NUP98: variants seen among roughly 807,000 people sequenced by gnomAD.
The protein encoded by NUP98 is nuclear pore complex protein Nup98-Nup96.
A neutral mutation model predicts 191.9 loss-of-function variants in NUP98; 26 were observed. The observed-to-expected ratio is 0.14, with a 90% CI of 0.10 to 0.19. NUP98 has a LOEUF of 0.19. Ranked by LOEUF, NUP98 falls within the 10% of genes least tolerant of loss-of-function variation. The pLI is 1.00. For synonymous variants in NUP98, 808 were observed against 778.4 expected, an observed-to-expected ratio of 1.04 and a Z score of -0.63; for missense variants, 1,941 against 2,178.8, an observed-to-expected ratio of 0.89 and a Z score of 2.17.
At chr11:3,712,315 A>G (rs910511293) in intron 20 of NUP98, 2 of 1,290,128 alleles carry the variant, frequency 1.6e-6, no homozygotes, top group Non-Finnish European at 2.0e-6. Flanking sequence ...AGAGAGAACA[A>G]AGGGTTTAAA....
chr11:3,686,600 T>C (rs1046447635), intron 28 of NUP98, among the ~76,000 whole-genome samples: 6 of 152,182 alleles, frequency 3.9e-5, no homozygotes, highest in Non-Finnish European at 8.8e-5. Flanking sequence ...TTTCTTTCTC[T>C]GACATATTTA....
At chr11:3,759,330 C>T (rs894456397) in intron 10 of NUP98, among the ~76,000 whole-genome samples, 1 of 152,156 alleles carries the variant, frequency 6.6e-6, no homozygotes, top group African/African-American at 2.4e-5. Context: ...GGTGTGGTGG[C>T]TCATGCCTAT....
chr11:3,784,635 C>CT (rs2082083246), intron 1 of NUP98, among the ~76,000 whole-genome samples: 2 of 150,682 alleles, frequency 1.3e-5, no homozygotes, highest in Admixed American at 6.6e-5. Flanking sequence ...CTGTACGAAG[C>CT]TCCAGCTACT....
At chr11:3,786,908 T>G (rs10767587) in intron 1 of NUP98, among the ~76,000 whole-genome samples, 28,433 of 152,222 alleles carry the variant, frequency 0.19, 2,732 homozygotes, top group Non-Finnish European at 0.22. Flanking sequence ...GGGAAGTAGT[T>G]TTTTCCTTTC....
At chr11:3,771,984 T>G in intron 6 of NUP98, 56 bp from the exon 7 acceptor site, 1 of 1,460,892 alleles carries the variant, frequency 6.8e-7, no homozygotes, top group Non-Finnish European at 9.5e-7. Flanking sequence ...AATAATTATT[T>G]AGGAGGCTAA....
At position 3,699,235 on chromosome 11, in the gene NUP98, T is replaced by G. The variant is rs766031553; in HGVS notation, c.3856A>C (p.Arg1286=). ...GATAGCCAGCGGGAGAAAGCTCTTC[T>G]TCGCTCCAGAATTTGAATGTATTCA... ...PREYIQILER[R]RAFSRWLSCT... The change falls in exon 25 of 33, where the codon AGA becomes CGA. Residue 1286 remains arginine (R), a synonymous_variant. Coordinates refer to ENST00000324932, the MANE Select transcript of NUP98 (RefSeq NM_016320.5). 6.2e-7 allele frequency: 1 copy of G among 1,614,194 alleles called. No homozygotes were observed. The highest frequency in any genetic ancestry group is 1.1e-5 in the South Asian group (1 of 91,088).
At chr11:3,688,298 C>T (rs1056727955) in intron 28 of NUP98, among the ~76,000 whole-genome samples, 12 of 151,878 alleles carry the variant, frequency 7.9e-5, no homozygotes, top group African/African-American at 2.7e-4. Context: ...CCCAGCTACT[C>T]GGGAAGCTGA....
Position 3,712,647 on chromosome 11 carries a change from A to G in NUP98, c.2659T>C (p.Leu887=), listed in dbSNP as rs34135902. Residue 887 remains leucine, a synonymous_variant, in exon 20 of 33, where the codon TTG becomes CTG. Transcript: ENST00000324932. ...GCAGGAGGCAAAGGAGCAGTCTTCA[A>G]CTTCTTTGTACTAGTTTTAGACGGA... The part of the protein sequence containing the change: ...EHPSKTSTKK[L]KTAPLPPASQ... 0.02 allele frequency: 31,881 copies of G among 1,613,734 alleles called. 418 individuals are homozygous for G. The highest frequency in any genetic ancestry group is 0.023 in the Non-Finnish European group (27,031 of 1,179,958).
At chr11:3,774,233 A>T (rs2081627487) in intron 5 of NUP98, among the ~76,000 whole-genome samples, 1 of 150,936 alleles carries the variant, frequency 6.6e-6, no homozygotes, top group South Asian at 2.1e-4. Context: ...CCCCGTCTCT[A>T]CTAAAAAATA....
Position 3,693,217 on chromosome 11 carries a change from A to AT in NUP98, c.4311+14dup, listed in dbSNP as rs1589970091. The AT allele has an allele frequency of 6.2e-7, 1 of 1,613,346 alleles. No homozygotes were observed. Among genetic ancestry groups the AT allele is most frequent in the African/African-American group, 1.3e-5 (1 of 74,912 alleles). ...CCCAGCAAGATTTTTGCTTGGCTCTATTGGCCACATATACCTGAAATGCTT... is the reference window on the plus strand; with the variant it reads ...CCCAGCAAGATTTTTGCTTGGCTCTATTTGGCCACATATACCTGAAATGCTT... On this transcript the variant is annotated intron_variant, in intron 27 of 32. Transcript: ENST00000324932.
chr11:3,685,200 A>G (rs2078101353), intron 29 of NUP98, among the ~76,000 whole-genome samples: 1 of 152,226 alleles, frequency 6.6e-6, no homozygotes, highest in Non-Finnish European at 1.5e-5. Flanking sequence ...TACTGCTATC[A>G]TTAACAAAAA....
At chr11:3,676,467 G>A in intron 32 of NUP98, 42 bp downstream of exon 32, 2 of 1,605,702 alleles carry the variant, frequency 1.2e-6, no homozygotes, top group Non-Finnish European at 1.7e-6. Context: ...CATAAAAACA[G>A]GAAGCAAGAA....
chr11:3,743,608 C>T (rs557446188), intron 12 of NUP98, among the ~76,000 whole-genome samples: 1 of 140,646 alleles, frequency 7.1e-6, no homozygotes, highest in Non-Finnish European at 1.5e-5. Context: ...GATCGCACCA[C>T]TGTACTCCAG....
At chr11:3,716,889 AG>A (rs113827782) in intron 18 of NUP98, among the ~76,000 whole-genome samples, 2,821 of 152,250 alleles carry the variant, frequency 0.019, 85 homozygotes, top group African/African-American at 0.065. Context: ...GGCTATTTGG[AG>A]ATTTCTGAAA....
intron 10 of NUP98, 52 bp downstream of exon 10, chr11:3,760,487 C>A: frequency 6.2e-7 from 1 of 1,613,810 alleles, no homozygotes; most frequent in Non-Finnish European, 8.5e-7. Context: ...TTTATATGTA[C>A]CAAAATTAGA....
chr11:3,731,191 G>A (rs1051229863), intron 14 of NUP98, among the ~76,000 whole-genome samples, 200 bp downstream of exon 14: 1 of 152,118 alleles, frequency 6.6e-6, no homozygotes, highest in Non-Finnish European at 1.5e-5. Context: ...TTGAACCTGG[G>A]AGGCAAAGGT....
At chr11:3,685,772 G>T (rs768057700) in intron 29 of NUP98, among the ~76,000 whole-genome samples, 4 of 152,160 alleles carry the variant, frequency 2.6e-5, no homozygotes, top group Non-Finnish European at 5.9e-5. Context: ...TTAATCAAAG[G>T]AAGTCTCAGT....
Position 3,731,545 on chromosome 11 carries a change from C to T in NUP98, c.1576G>A (p.Ala526Thr), listed in dbSNP as rs764413456. 3 of 1,577,308 alleles carry T rather than the reference C, an allele frequency of 1.9e-6. No individual in the cohort carries two copies. The highest frequency in any genetic ancestry group is 2.4e-5 in the South Asian group (2 of 83,364). ...LKPTNPAAQKALTTPTHYKLT... is the reference protein window; with the variant it reads ...LKPTNPAAQKTLTTPTHYKLT... ...TTATAATGAGTAGGTGTAGTAAGAGCCTTCTGGGCTGCTGGATTTGTTGGT... is the reference window on the plus strand; with the variant it reads ...TTATAATGAGTAGGTGTAGTAAGAGTCTTCTGGGCTGCTGGATTTGTTGGT... Residue 526 changes from alanine (A) to threonine (T), a missense_variant, in exon 14 of 33, where the codon GCT becomes ACT. Physicochemically the swap from Ala to Thr is moderately conservative, Grantham distance 58 (BLOSUM62 0). This residue lies in a region of NUP98 where 453 missense variants were observed against 438.2 expected (regional missense o/e 1.03). Transcript: ENST00000324932.
intron 11 of NUP98, among the ~76,000 whole-genome samples, chr11:3,751,570 T>C (rs898274028): frequency 6.6e-6 from 1 of 152,120 alleles, no homozygotes; most frequent in African/African-American, 2.4e-5. Context: ...TTACATCTTT[T>C]ATCTTAAGCA....
Sources: allele counts gnomAD v4.1 joint callset (sites outside exome capture counted in the v4.1 genomes callset), GRCh38; gene constraint gnomAD v4.1.1; regional missense constraint gnomAD v4.1.1; transcripts MANE v1.5; gene names NCBI Gene and HGNC (gene_info 2026-07-23, HGNC 2026-07-21).